NRXN3: variants seen among roughly 807,000 people sequenced by gnomAD.
NRXN3 encodes the protein neurexin III.
A neutral mutation model predicts 137.6 loss-of-function variants in NRXN3; 32 were observed. The observed-to-expected ratio is 0.23, with a 90% CI of 0.18 to 0.31. The LOEUF (loss-of-function observed/expected upper bound fraction) is 0.31. Among genes scored for constraint, NRXN3 ranks in the 10% least tolerant of loss-of-function variants. The pLI is 1.00. For synonymous variants in NRXN3, 798 were observed against 784.5 expected (o/e 1.02, Z -0.29); for missense variants, 1,574 against 2,062.5 (o/e 0.76, Z 4.59).
chr14:78,536,490 C>T (rs1275534856), intron 4 of NRXN3, among the ~76,000 whole-genome samples: 5 of 152,074 alleles, frequency 3.3e-5, no homozygotes, highest in Non-Finnish European at 2.9e-5. Flanking sequence ...AAGTAGATCT[C>T]GATACCAGGA....
chr14:79,657,741 T>C (rs2098513285), intron 16 of NRXN3, among the ~76,000 whole-genome samples: 1 of 152,210 alleles, frequency 6.6e-6, no homozygotes, highest in East Asian at 1.9e-4. Context: ...AAAGTCAAAA[T>C]TGATCAATCA....
intron 8 of NRXN3, among the ~76,000 whole-genome samples, chr14:78,778,385 A>T (rs190869844): frequency 5.1e-4 from 78 of 152,336 alleles, no homozygotes; most frequent in Admixed American, 3.9e-3. Flanking sequence ...AAAAAAGGAT[A>T]TCAGATAAAT....
At position 78,257,584 on chromosome 14, in the gene NRXN3, G is replaced by C. The variant is rs60696515; in HGVS notation, c.709+13782G>C. Among the ~76,000 whole-genome samples, 676 of 152,314 alleles carry C rather than the reference G, an allele frequency of 4.4e-3. 6 individuals carry two copies. Among genetic ancestry groups the C allele is most frequent in the African/African-American group, 0.015 (622 of 41,566 alleles). On this transcript the variant is annotated intron_variant, in intron 2 of 20. Coordinates refer to ENST00000335750, the MANE Select transcript of NRXN3 (RefSeq NM_001330195.2). ...CATGGAAGCATTAATTGGGAGACTG[G>C]GAGGAAAGGACATCAGGGCAGCTCT...
chr14:79,315,729 A>G (rs2088468054), intron 15 of NRXN3, among the ~76,000 whole-genome samples: 1 of 152,246 alleles, frequency 6.6e-6, no homozygotes, highest in Non-Finnish European at 1.5e-5. Flanking sequence ...AAAAAGGGAT[A>G]TAAGAAAGCA....
intron 8 of NRXN3, among the ~76,000 whole-genome samples, chr14:78,783,481 A>G (rs2098777289): frequency 6.6e-6 from 1 of 152,312 alleles, no homozygotes; most frequent in East Asian, 1.9e-4. Flanking sequence ...AGAAAAACAT[A>G]TTAATGGGAA....
At chr14:79,040,355 A>G (rs1326914549) in intron 15 of NRXN3, among the ~76,000 whole-genome samples, 1 of 152,212 alleles carries the variant, frequency 6.6e-6, no homozygotes, top group Non-Finnish European at 1.5e-5. Context: ...TAACGCTAAG[A>G]AAAGTTTGTT....
At chr14:79,171,542 T>TC (rs2061780901) in intron 15 of NRXN3, among the ~76,000 whole-genome samples, 2 of 152,134 alleles carry the variant, frequency 1.3e-5, no homozygotes, top group Admixed American at 1.3e-4. Flanking sequence ...CCCATCTATT[T>TC]CAATACCATG....
At chr14:78,602,219 A>T (rs1278503968) in intron 4 of NRXN3, among the ~76,000 whole-genome samples, 1 of 148,772 alleles carries the variant, frequency 6.7e-6, no homozygotes, top group Admixed American at 6.6e-5. Flanking sequence ...TTCTGAATAC[A>T]TGTAGGGTAT....
At chr14:79,258,452 A>G (rs559783293) in intron 15 of NRXN3, among the ~76,000 whole-genome samples, 1 of 152,090 alleles carries the variant, frequency 6.6e-6, no homozygotes, top group African/African-American at 2.4e-5. Flanking sequence ...TTATCTGCCC[A>G]TCTCGGCCTC....
chr14:79,577,179 C>G (rs2097673007), intron 16 of NRXN3, among the ~76,000 whole-genome samples: 3 of 152,138 alleles, frequency 2.0e-5, no homozygotes, highest in Non-Finnish European at 4.4e-5. Flanking sequence ...GTGAGGCCTC[C>G]CAAGCCTTGT....
intron 15 of NRXN3, among the ~76,000 whole-genome samples, chr14:79,442,905 G>C (rs1488219799): frequency 6.6e-6 from 1 of 152,160 alleles, no homozygotes; most frequent in Non-Finnish European, 1.5e-5. Flanking sequence ...TTCCTGTACT[G>C]CATTTCCCAG....
chr14:78,955,627 T>TG, intron 10 of NRXN3, among the ~76,000 whole-genome samples: 1 of 152,322 alleles, frequency 6.6e-6, no homozygotes, highest in African/African-American at 2.4e-5. Flanking sequence ...CCTTGAGCTT[T>TG]GGGTGCATTC....
At chr14:78,945,064 C>T (rs2099362545) in intron 10 of NRXN3, among the ~76,000 whole-genome samples, 1 of 152,142 alleles carries the variant, frequency 6.6e-6, no homozygotes, top group African/African-American at 2.4e-5. Context: ...GACATCTCCC[C>T]CGGTGAAGTG....
At chr14:78,340,046 A>G (rs1025710341) in intron 4 of NRXN3, among the ~76,000 whole-genome samples, 3 of 152,224 alleles carry the variant, frequency 2.0e-5, no homozygotes, top group African/African-American at 7.2e-5. Context: ...CAAAAAAGAA[A>G]GCTGTTCATG....
chr14:78,798,409 A>C (rs1265187993), intron 8 of NRXN3, among the ~76,000 whole-genome samples: 1 of 152,236 alleles, frequency 6.6e-6, no homozygotes, highest in Non-Finnish European at 1.5e-5. Context: ...CTGATGCAAG[A>C]GGTGGGTTCC....
chr14:79,715,912 T>A (rs946465509), intron 19 of NRXN3, among the ~76,000 whole-genome samples: 2 of 152,212 alleles, frequency 1.3e-5, no homozygotes, highest in Non-Finnish European at 2.9e-5. Context: ...GCTGTAGGGA[T>A]CATACTGTAT....
intron 4 of NRXN3, among the ~76,000 whole-genome samples, chr14:78,489,135 G>T (rs2095618745): frequency 6.6e-6 from 1 of 152,136 alleles, no homozygotes; most frequent in Non-Finnish European, 1.5e-5. Context: ...CAACATTAAT[G>T]AGCACAAATG....
At chr14:78,599,321 C>T (rs2097184261) in intron 4 of NRXN3, among the ~76,000 whole-genome samples, 1 of 152,236 alleles carries the variant, frequency 6.6e-6, no homozygotes, top group Non-Finnish European at 1.5e-5. Context: ...CTTATGCTGG[C>T]AAAGCTATTG....
At chr14:78,450,549 C>T (rs995265) in intron 4 of NRXN3, among the ~76,000 whole-genome samples, 29,599 of 151,982 alleles carry the variant, frequency 0.19, 4,493 homozygotes, top group East Asian at 0.43. Flanking sequence ...TCCTCCCTAC[C>T]TGGAGCCCGG....
Sources: allele counts gnomAD v4.1 joint callset (sites outside exome capture counted in the v4.1 genomes callset), GRCh38; gene constraint gnomAD v4.1.1; transcripts MANE v1.5; gene names NCBI Gene and HGNC (gene_info 2026-07-23, HGNC 2026-07-21).